Variants in PTPRD observed in about 807,000 individuals in gnomAD.
PTPRD encodes the protein protein tyrosine phosphatase receptor type D.
Under a neutral mutation model 214.5 loss-of-function variants are expected in PTPRD, and 34 were observed. That is an observed-to-expected ratio of 0.16 (90% CI 0.12 to 0.21). The LOEUF (loss-of-function observed/expected upper bound fraction) is 0.21, where lower values mean the gene tolerates loss of function less well. PTPRD is among the 10% of genes least tolerant of loss of function. The probability of loss-of-function intolerance (pLI) is 1.00; values close to 1 mark genes in which losing one functional copy is unlikely to be tolerated. For missense variants in PTPRD, 2,545 were observed against 2,398.7 expected, an observed-to-expected ratio of 1.06 and a Z score of -1.27; for synonymous variants, 1,128 against 845.7, an observed-to-expected ratio of 1.33 and a Z score of -5.79.
chr9:9,384,853 G>A (rs889129788), intron 9 of PTPRD, among the ~76,000 whole-genome samples: 13 of 152,006 alleles, frequency 8.6e-5, no homozygotes, highest in African/African-American at 3.1e-4. Flanking sequence ...TATGGAATGA[G>A]ACATTAGAAA....
chr9:9,384,037 C>A lies in PTPRD; in HGVS notation c.-203+13412G>T, dbSNP rs10977697. ...TAAGCATAAACCTATATACGAGATA[C>A]AGTTTGCCAACAACCACATTCTATT... On this transcript the variant is annotated intron_variant, in intron 9 of 45. Coordinates refer to ENST00000381196, the MANE Select transcript of PTPRD (RefSeq NM_002839.4). Among the ~76,000 whole-genome samples, 8 of 151,594 alleles carry A rather than the reference C, an allele frequency of 5.3e-5. No individual in the cohort carries two copies. The South Asian group carries it at 1.7e-3, about 32-fold the overall frequency.
At chr9:9,709,376 C>A (rs1053062996) in intron 7 of PTPRD, among the ~76,000 whole-genome samples, 4 of 151,806 alleles carry the variant, frequency 2.6e-5, no homozygotes, top group African/African-American at 4.8e-5. Context: ...GGCAAGATAC[C>A]ACATGTGCAC....
intron 7 of PTPRD, among the ~76,000 whole-genome samples, chr9:9,634,751 T>C (rs2095702461): frequency 6.6e-6 from 1 of 152,192 alleles, no homozygotes; most frequent in African/African-American, 2.4e-5. Context: ...ACTACGTATA[T>C]ATTTTAATTT....
intron 14 of PTPRD, among the ~76,000 whole-genome samples, chr9:8,608,725 C>G (rs1262827792): frequency 6.6e-6 from 1 of 152,084 alleles, no homozygotes; most frequent in Non-Finnish European, 1.5e-5. Flanking sequence ...GTAAACAGAA[C>G]TTTGAAAATG....
At chr9:9,592,613 C>T (rs1437602520) in intron 7 of PTPRD, among the ~76,000 whole-genome samples, 3 of 152,004 alleles carry the variant, frequency 2.0e-5, no homozygotes, top group African/African-American at 4.8e-5. Context: ...ATACTCCTTT[C>T]GTCATTCCCT....
chr9:9,051,756 T>G (rs2099686073), intron 10 of PTPRD, among the ~76,000 whole-genome samples: 2 of 152,260 alleles, frequency 1.3e-5, no homozygotes, highest in South Asian at 2.1e-4. Flanking sequence ...GGCAAAGGCT[T>G]TAGGTTTTTA....
At chr9:8,689,410 A>C (rs922821217) in intron 12 of PTPRD, among the ~76,000 whole-genome samples, 2 of 152,300 alleles carry the variant, frequency 1.3e-5, no homozygotes, top group Admixed American at 6.5e-5. Flanking sequence ...CACACCCAAG[A>C]CTGGGAAGAA....
At chr9:8,509,033 C>T (rs1189573174) in intron 21 of PTPRD, among the ~76,000 whole-genome samples, 1 of 151,854 alleles carries the variant, frequency 6.6e-6, no homozygotes, top group Non-Finnish European at 1.5e-5. Flanking sequence ...AAATCACAGG[C>T]CTTGAGAGTC....
At chr9:9,297,267 A>G (rs1953431640) in intron 9 of PTPRD, among the ~76,000 whole-genome samples, 1 of 151,716 alleles carries the variant, frequency 6.6e-6, no homozygotes, top group South Asian at 2.1e-4. Flanking sequence ...TAATTAAAAT[A>G]ATTGTTTCTA....
chr9:8,969,155 G>C (rs1187511608), intron 11 of PTPRD, among the ~76,000 whole-genome samples: 1 of 152,022 alleles, frequency 6.6e-6, no homozygotes, highest in East Asian at 1.9e-4. Context: ...CATATCGTTA[G>C]AGAAACAGAA....
chr9:9,730,455 C>G (rs772950681), intron 7 of PTPRD, among the ~76,000 whole-genome samples: 14 of 152,062 alleles, frequency 9.2e-5, no homozygotes, highest in Non-Finnish European at 2.1e-4. Flanking sequence ...TATGTATACA[C>G]AGATCCAAAA....
intron 6 of PTPRD, among the ~76,000 whole-genome samples, chr9:9,765,713 T>C (rs2098701143): frequency 6.6e-6 from 1 of 152,342 alleles, no homozygotes; most frequent in South Asian, 2.1e-4. Context: ...CAGGCTGGAG[T>C]GCAGTGGCAT....
At chr9:8,617,873 T>C (rs1001133787) in intron 14 of PTPRD, among the ~76,000 whole-genome samples, 1 of 152,086 alleles carries the variant, frequency 6.6e-6, no homozygotes, top group South Asian at 2.1e-4. Flanking sequence ...GCACAGAACA[T>C]ACTCAATAGG....
intron 35 of PTPRD, among the ~76,000 whole-genome samples, chr9:8,418,219 C>CTTTTTTTTT (rs370640821): frequency 6.7e-5 from 10 of 150,182 alleles, no homozygotes; most frequent in Non-Finnish European, 1.0e-4. Context: ...CTTTCTTATC[C>CTTTTTTTTT]TTTTCTTTTT....
intron 9 of PTPRD, among the ~76,000 whole-genome samples, chr9:9,291,373 G>A (rs990433658): frequency 5.3e-5 from 8 of 151,426 alleles, no homozygotes; most frequent in South Asian, 2.1e-4. Flanking sequence ...ATAAAGAAAT[G>A]TCAGGCTTTC....
chr9:8,709,100 G>A (rs1039707313), intron 12 of PTPRD, among the ~76,000 whole-genome samples: 1 of 151,850 alleles, frequency 6.6e-6, no homozygotes, highest in Non-Finnish European at 1.5e-5. Flanking sequence ...TGGGTAGGGG[G>A]TTGGGAGGGG....
intron 9 of PTPRD, among the ~76,000 whole-genome samples, chr9:9,249,139 C>T (rs1437486170): frequency 6.6e-6 from 1 of 151,938 alleles, no homozygotes; most frequent in Non-Finnish European, 1.5e-5. Context: ...AGAGTGAGTT[C>T]TAGCTTTATT....
At chr9:10,469,574 T>C (rs1254822315) in intron 2 of PTPRD, among the ~76,000 whole-genome samples, 2 of 152,106 alleles carry the variant, frequency 1.3e-5, no homozygotes, top group African/African-American at 2.4e-5. Context: ...TGTAAATTAG[T>C]ATAGCCATTA....
chr9:8,742,045 C>T (rs561252185), intron 11 of PTPRD, among the ~76,000 whole-genome samples: 2 of 152,080 alleles, frequency 1.3e-5, no homozygotes, highest in African/African-American at 4.8e-5. Flanking sequence ...CGATTATGCA[C>T]CTGTTCCAAA....
Sources: gnomAD v4.1 joint callset for allele counts (sites outside exome capture counted in the v4.1 genomes callset) on GRCh38, gnomAD v4.1.1 for gene constraint, MANE v1.5 for transcripts, NCBI Gene and HGNC (gene_info 2026-07-23, HGNC 2026-07-21) for gene names.